Variants in A2ML1 observed in about 807,000 individuals in gnomAD.
The protein encoded by A2ML1 is alpha-2-macroglobulin like 1.
Under a neutral mutation model 181.9 loss-of-function variants are expected in A2ML1, and 161 were observed. The ratio of observed to expected loss-of-function variants is 0.89; its 90% CI spans 0.78 to 1.01. The LOEUF (loss-of-function observed/expected upper bound fraction) is 1.01, where lower values mean the gene tolerates loss of function less well. Ranked by LOEUF, A2ML1 falls within the 50% of genes least tolerant of loss-of-function variation. The pLI, the probability that A2ML1 is intolerant of heterozygous loss-of-function variation, is 0.00. For synonymous variants in A2ML1, 663 were observed against 666.8 expected (o/e 0.99, Z 0.09); for missense variants, 1,670 against 1,768.1 (o/e 0.94, Z 1.00).
chr12:8,843,181 A>G lies in A2ML1; in HGVS notation c.1296A>G (p.Pro432=), dbSNP rs1415834462. The G allele has an allele frequency of 6.8e-6, 11 of 1,614,210 alleles. No individual in the cohort carries two copies. Among genetic ancestry groups the G allele is most frequent in the Non-Finnish European group, 9.3e-6 (11 of 1,180,046 alleles). Residue 432 remains proline (P), a synonymous_variant, in exon 12 of 36, where the codon CCA becomes CCG. Transcript: ENST00000299698. The stretch of plus-strand genomic sequence containing the variant: ...TAGTATATAATCCGGAACAAGTGCC[A>G]CGTTACTACCAAAATGCCTACCTGC... ...EDLVYNPEQV[P]RYYQNAYLHL...
intron 7 of A2ML1, among the ~76,000 whole-genome samples, chr12:8,884,691 C>T (rs935536860): frequency 6.6e-6 from 1 of 152,198 alleles, no homozygotes; most frequent in Non-Finnish European, 1.5e-5. Flanking sequence ...CATGTGCCAC[C>T]GTGCCCATGC....
chr12:8,849,072 C>T (rs759818230), intron 16 of A2ML1, among the ~76,000 whole-genome samples, 158 bp downstream of exon 16: 1 of 152,162 alleles, frequency 6.6e-6, no homozygotes, highest in Non-Finnish European at 1.5e-5. Context: ...TCTGTTGGCC[C>T]TTATGCTTGA....
rs370178808 is a variant in A2ML1, at chr12:8,857,955, G to A, written c.3117G>A (p.Ala1039=). ...RDGNGNTWLT[A]FVTKCFGQAQ... ...CTCTTTACCCATGTAGGCTGACAGC[G>A]TTTGTCACAAAATGCTTTGGCCAAG... The change falls in exon 26 of 36, where the codon GCG becomes GCA. Residue 1039 remains alanine, a synonymous_variant. Coordinates refer to ENST00000299698, the MANE Select transcript of A2ML1 (RefSeq NM_144670.6). 5.0e-5 allele frequency: 80 copies of A among 1,613,922 alleles called. No homozygotes were observed. The highest frequency in any genetic ancestry group is 6.4e-5 in the Non-Finnish European group (76 of 1,179,984).
chr12:8,844,165 G>A (rs1272379264), intron 12 of A2ML1, among the ~76,000 whole-genome samples: 1 of 151,658 alleles, frequency 6.6e-6, no homozygotes, highest in African/African-American at 2.4e-5. Flanking sequence ...AATTACCTGA[G>A]AAAATAGTGC....
rs560609581 is a variant in A2ML1 at position 8,854,784 on chromosome 12, AGG to A, written c.2719_2720del (p.Gly907SerfsTer20). Reference sequence around the variant, plus strand: ...CTGTGTCTCTCTTCATCGCAGCCTGAGGGAGTCCTGGTGGAGAAGACACACAG... The same window carrying A: ...CTGTGTCTCTCTTCATCGCAGCCTGAGAGTCCTGGTGGAGAAGACACACAG... On this transcript the variant is annotated frameshift_variant, in exon 22 of 36. Coordinates refer to ENST00000299698, the MANE Select transcript of A2ML1 (RefSeq NM_144670.6). LOFTEE classifies it high-confidence loss of function. 137 of 1,613,748 alleles carry A rather than the reference AGG, an allele frequency of 8.5e-5. No individual in the cohort carries two copies. The highest frequency in any genetic ancestry group is 1.1e-4 in the Non-Finnish European group (132 of 1,179,966).
intron 3 of A2ML1, among the ~76,000 whole-genome samples, chr12:8,826,934 A>G (rs1402383438): frequency 1.3e-5 from 2 of 151,820 alleles, no homozygotes. Context: ...CACTTTTAGG[A>G]TTCTTTTTTG....
chr12:8,844,347 C>T (rs1036066096), intron 12 of A2ML1, among the ~76,000 whole-genome samples: 6 of 151,318 alleles, frequency 4.0e-5, no homozygotes, highest in Non-Finnish European at 8.8e-5. Flanking sequence ...GGTGATCTGC[C>T]CACCTTGGCC....
At chr12:8,828,990 T>C (rs776586609) in intron 3 of A2ML1, among the ~76,000 whole-genome samples, 19 of 152,196 alleles carry the variant, frequency 1.2e-4, no homozygotes, top group Non-Finnish European at 2.1e-4. Context: ...GCTCATCGAT[T>C]CTGTCTCTGT....
At chr12:8,875,052 G>C in intron 35 of A2ML1, 40 bp downstream of exon 35, 1 of 1,601,968 alleles carries the variant, frequency 6.2e-7, no homozygotes, top group Non-Finnish European at 8.5e-7. Context: ...ATGGGTTAGG[G>C]TGGCAGAAGT....
At chr12:8,858,222 G>A (rs745518957) in intron 26 of A2ML1, 120 bp downstream of exon 26, 5 of 1,240,032 alleles carry the variant, frequency 4.0e-6, no homozygotes, top group Non-Finnish European at 5.4e-6. Context: ...CTCCACTGTG[G>A]CTCTGGGTGA....
Position 8,848,756 on chromosome 12 carries a change from C to A in A2ML1, c.1870C>A (p.Pro624Thr). ...GTTTCCATTCTGGTATGGTCACTAC[C>A]CCTATCAAGTGGCTGAGTATGATCA... ...GMFPFWYGHYPYQVAEYDQCP... is the reference protein window; with the variant it reads ...GMFPFWYGHYTYQVAEYDQCP... Residue 624 changes from proline (P) to threonine (T), a missense_variant, in exon 16 of 36, where the codon CCC (proline) becomes ACC (threonine). Coordinates refer to ENST00000299698, the MANE Select transcript of A2ML1 (RefSeq NM_144670.6). The A allele has an allele frequency of 6.2e-7, 1 of 1,613,646 alleles. No individual in the cohort carries two copies. The highest frequency in any genetic ancestry group is 1.7e-4 in the Middle Eastern group (1 of 6,060).
At chr12:8,854,514 C>T (rs1287209370) in intron 21 of A2ML1, among the ~76,000 whole-genome samples, 1 of 152,118 alleles carries the variant, frequency 6.6e-6, no homozygotes, top group Non-Finnish European at 1.5e-5. Context: ...CTTTTTCGTC[C>T]CATCATGAAG....
At chr12:8,845,865 T>TA (rs1555111301) in intron 13 of A2ML1, among the ~76,000 whole-genome samples, 2,327 of 131,200 alleles carry the variant, frequency 0.018, 40 homozygotes, top group Non-Finnish European at 0.019. Context: ...AAAAAAAAAA[T>TA]AAATAAAATA....
At position 8,852,394 on chromosome 12, in the gene A2ML1, G is replaced by C; in HGVS notation, c.2590+58G>C. 1 of 1,605,332 alleles carries C rather than the reference G, an allele frequency of 6.2e-7. No homozygotes were observed. Among genetic ancestry groups the C allele is most frequent in the Non-Finnish European group, 8.5e-7 (1 of 1,175,360 alleles). ...AGCCAGCAGCAGAAGACCAGTGACT[G>C]AGCACTCAGTCTTTTCCTCTGCCAC... On this transcript the variant is annotated intron_variant, in intron 20 of 35. Transcript: ENST00000299698. This position sits in a 1 kb window ranked among gnomAD's most constrained non-coding sequence, Gnocchi z 4.2.
Position 8,850,059 on chromosome 12 carries a change from G to T in A2ML1, c.2120-101G>T, listed in dbSNP as rs1943835466. On this transcript the variant is annotated intron_variant, in intron 17 of 35. Coordinates refer to ENST00000299698, the MANE Select transcript of A2ML1 (RefSeq NM_144670.6). ...CCTTGCCTCTGACTGGATGTTCTCT[G>T]CTTCCCTCTAAATTTCTTTCTAGTA... 5.4e-5 allele frequency: 49 copies of T among 903,000 alleles called. No homozygotes were observed. The South Asian group carries it at 7.7e-4, about 14-fold the overall frequency. 55.9% of individuals were successfully genotyped at this position (903,000 alleles called of 1,614,324 possible). A position where few individuals can be genotyped will look rare whatever the true frequency, so the allele number is the denominator to read the frequency against.
Position 8,838,450 on chromosome 12 carries a change from G to C in A2ML1, c.970G>C (p.Gly324Arg), listed in dbSNP as rs1943358684. Reference sequence around the variant, plus strand: ...GGCTACTGTTGTGGAGGAAGGGACAGGTAAGTAGGGTGCTCCTTGGCTCAT... The same window carrying C: ...GGCTACTGTTGTGGAGGAAGGGACACGTAAGTAGGGTGCTCCTTGGCTCAT... ...IVATVVEEGTGVEANATQNIY... is the reference protein window; with the variant it reads ...IVATVVEEGTRVEANATQNIY... The change falls in exon 9 of 36, where the codon GGT becomes CGT. Residue 324 changes from glycine to arginine, a missense_variant and splice_region_variant. Coordinates refer to ENST00000299698, the MANE Select transcript of A2ML1 (RefSeq NM_144670.6). The C allele has an allele frequency of 6.2e-7, 1 of 1,610,782 alleles. No individual in the cohort carries two copies. Among genetic ancestry groups the C allele is most frequent in the East Asian group, 2.2e-5 (1 of 44,808 alleles).
downstream of A2ML1, among the ~76,000 whole-genome samples, chr12:8,878,246 T>C (rs1488369161): frequency 2.0e-5 from 3 of 152,084 alleles, no homozygotes; most frequent in African/African-American, 7.2e-5. This position sits in a 1 kb window ranked among gnomAD's most constrained non-coding sequence, Gnocchi z 4.4. Context: ...GAGGTTGCAA[T>C]GAGCCGAGAT....
chr12:8,878,696 G>T (rs1284143316), downstream of A2ML1, among the ~76,000 whole-genome samples: 2 of 152,198 alleles, frequency 1.3e-5, no homozygotes, highest in Admixed American at 6.5e-5. This position sits in a 1 kb window ranked among gnomAD's most constrained non-coding sequence, Gnocchi z 4.4. Context: ...AGGCATGGTG[G>T]CTCACTCCTG....
At chr12:8,860,281 C>A (rs1041843336) in intron 26 of A2ML1, among the ~76,000 whole-genome samples, 1 of 152,098 alleles carries the variant, frequency 6.6e-6, no homozygotes, top group African/African-American at 2.4e-5. Flanking sequence ...TGAGCTCAAG[C>A]GATCCTCCCC....
Sources: gnomAD v4.1 joint callset for allele counts (sites outside exome capture counted in the v4.1 genomes callset) on GRCh38, gnomAD v4.1.1 for gene constraint, Gnocchi (gnomAD v3.1) non-coding constraint, MANE v1.5 for transcripts, NCBI Gene and HGNC (gene_info 2026-07-23, HGNC 2026-07-21) for gene names.